Variants in FBXL17 observed in about 807,000 individuals in gnomAD.
FBXL17 encodes F-box and leucine rich repeat protein 17.
FBXL17 carries 22 observed loss-of-function variants against 66.2 expected under a neutral mutation model. The ratio of observed to expected loss-of-function variants is 0.33; its 90% CI spans 0.24 to 0.47. The LOEUF is 0.47. Among genes scored for constraint, FBXL17 ranks in the 20% least tolerant of loss-of-function variants. FBXL17 has a pLI of 1.00. For missense variants in FBXL17, 878 were observed against 948.2 expected, an observed-to-expected ratio of 0.93 and a Z score of 0.97; for synonymous variants, 474 against 400.5, an observed-to-expected ratio of 1.18 and a Z score of -2.19.
chr5:107,956,898 A>G (rs1394779849), intron 7 of FBXL17, among the ~76,000 whole-genome samples: 2 of 152,184 alleles, frequency 1.3e-5, no homozygotes, highest in Admixed American at 6.6e-5. Flanking sequence ...AAGCACCAAA[A>G]AGAACTTGCT....
At chr5:108,369,180 G>T (rs6896653) in intron 1 of FBXL17, among the ~76,000 whole-genome samples, 127,649 of 152,188 alleles carry the variant, frequency 0.84, 53,667 homozygotes, top group African/African-American at 0.89. Context: ...GACTAAGGCA[G>T]AAGTGATTAT....
chr5:108,241,551 T>TAG (rs747814534), intron 4 of FBXL17, among the ~76,000 whole-genome samples: 2 of 151,490 alleles, frequency 1.3e-5, no homozygotes, highest in East Asian at 1.9e-4. Flanking sequence ...TAAAAGGAAG[T>TAG]AGAGAGAGAG....
At chr5:108,028,336 A>T (rs557827007) in intron 6 of FBXL17, among the ~76,000 whole-genome samples, 1 of 152,264 alleles carries the variant, frequency 6.6e-6, no homozygotes, top group South Asian at 2.1e-4. Context: ...TAAACATATA[A>T]TTGATGATAA....
At chr5:108,253,494 A>G (rs1308796845) in intron 4 of FBXL17, among the ~76,000 whole-genome samples, 4 of 152,136 alleles carry the variant, frequency 2.6e-5, no homozygotes, top group Admixed American at 6.6e-5. Flanking sequence ...TGTCTTACCA[A>G]TATATCTCAT....
intron 7 of FBXL17, among the ~76,000 whole-genome samples, chr5:107,965,884 C>G (rs1050343248): frequency 6.6e-6 from 1 of 152,050 alleles, no homozygotes; most frequent in Admixed American, 6.6e-5. Context: ...ATTAGCACTT[C>G]TTACAAATAG....
chr5:107,901,041 T>A (rs1049356262), intron 7 of FBXL17, among the ~76,000 whole-genome samples: 1 of 152,182 alleles, frequency 6.6e-6, no homozygotes, highest in African/African-American at 2.4e-5. Flanking sequence ...TCCATGAACA[T>A]AAGCTGCATT....
intron 6 of FBXL17, among the ~76,000 whole-genome samples, chr5:108,177,796 G>A (rs1412085582): frequency 2.0e-5 from 3 of 151,574 alleles, no homozygotes; most frequent in East Asian, 1.9e-4. Flanking sequence ...CCTCAGGGTT[G>A]TTGTAGAGAT....
At chr5:107,930,758 A>T (rs1750702341) in intron 7 of FBXL17, among the ~76,000 whole-genome samples, 1 of 152,212 alleles carries the variant, frequency 6.6e-6, no homozygotes, top group African/African-American at 2.4e-5. Context: ...TTTATATGTA[A>T]TTATGACCTA....
At chr5:108,038,834 C>A (rs1485639657) in intron 6 of FBXL17, among the ~76,000 whole-genome samples, 1 of 152,002 alleles carries the variant, frequency 6.6e-6, no homozygotes, top group Non-Finnish European at 1.5e-5. Flanking sequence ...AATTGCTTCA[C>A]AAGTATCTTA....
At chr5:108,045,685 T>A (rs1337741054) in intron 6 of FBXL17, among the ~76,000 whole-genome samples, 1 of 152,192 alleles carries the variant, frequency 6.6e-6, no homozygotes, top group African/African-American at 2.4e-5. Flanking sequence ...TCCAATATAT[T>A]TTTTCAAATT....
intron 7 of FBXL17, among the ~76,000 whole-genome samples, chr5:108,016,294 G>A (rs1561369157): frequency 6.6e-6 from 1 of 152,184 alleles, no homozygotes; most frequent in African/African-American, 2.4e-5. Flanking sequence ...CAGTCCACGG[G>A]TCTGTGGAAA....
At chr5:107,961,998 G>C (rs1751929190) in intron 7 of FBXL17, among the ~76,000 whole-genome samples, 1 of 152,010 alleles carries the variant, frequency 6.6e-6, no homozygotes, top group Non-Finnish European at 1.5e-5. Flanking sequence ...AAATGCCTTT[G>C]GAATAACAAA....
chr5:108,154,671 GTGTATATATATACACATATATA>G (rs1342994006), intron 6 of FBXL17, among the ~76,000 whole-genome samples: 1 of 137,984 alleles, frequency 7.2e-6, no homozygotes, highest in Non-Finnish European at 1.5e-5. Context: ...ACATATATAT[GTGTATATATATACACATATATA>G]TGTATATACA....
chr5:108,072,759 A>T (rs1024709222), intron 6 of FBXL17, among the ~76,000 whole-genome samples: 4 of 152,160 alleles, frequency 2.6e-5, no homozygotes, highest in African/African-American at 9.7e-5. Flanking sequence ...GACTTCAACC[A>T]ATCACAACAT....
At chr5:108,125,784 T>C (rs965263999) in intron 6 of FBXL17, among the ~76,000 whole-genome samples, 3 of 152,146 alleles carry the variant, frequency 2.0e-5, no homozygotes, top group Non-Finnish European at 4.4e-5. Context: ...GATGTGTTTA[T>C]ATCCAGTTAT....
chr5:108,360,841 C>G (rs921105731), intron 3 of FBXL17, among the ~76,000 whole-genome samples: 4 of 152,034 alleles, frequency 2.6e-5, no homozygotes, highest in African/African-American at 9.7e-5. Context: ...TTTCTTCCAC[C>G]TGCTCACTTC....
At chr5:107,899,500 A>G (rs9328024) in intron 7 of FBXL17, among the ~76,000 whole-genome samples, 22,851 of 152,036 alleles carry the variant, frequency 0.15, 2,208 homozygotes, top group African/African-American at 0.25. Context: ...AAAAGGTGTG[A>G]TGGCAGGCAT....
chr5:108,099,485 G>C (rs1305422882), intron 6 of FBXL17, among the ~76,000 whole-genome samples: 2 of 152,146 alleles, frequency 1.3e-5, no homozygotes, highest in Non-Finnish European at 2.9e-5. Context: ...ATAGACAAAA[G>C]ATTAGAAAAA....
chr5:108,116,376 A>C (rs1750249528), intron 6 of FBXL17, among the ~76,000 whole-genome samples: 1 of 152,010 alleles, frequency 6.6e-6, no homozygotes, highest in South Asian at 2.1e-4. Context: ...GCAGTGGCTC[A>C]CACCTGTAAT....
Sources: gnomAD v4.1 joint callset for allele counts (sites outside exome capture counted in the v4.1 genomes callset) on GRCh38, gnomAD v4.1.1 for gene constraint, MANE v1.5 for transcripts, NCBI Gene and HGNC (gene_info 2026-07-23, HGNC 2026-07-21) for gene names.